DPYSL3: variants seen among roughly 807,000 people sequenced by gnomAD.
DPYSL3 encodes dihydropyrimidinase-related protein 3.
A neutral mutation model predicts 66.1 loss-of-function variants in DPYSL3; 16 were observed. That is an observed-to-expected ratio of 0.24 (90% CI 0.16 to 0.37). The LOEUF (loss-of-function observed/expected upper bound fraction) is 0.37. Ranked by LOEUF, DPYSL3 falls within the 10% of genes least tolerant of loss-of-function variation. The pLI, the probability that DPYSL3 is intolerant of heterozygous loss-of-function variation, is 1.00. For missense variants in DPYSL3, 738 were observed against 916.2 expected, an observed-to-expected ratio of 0.81 and a Z score of 2.51; for synonymous variants, 338 against 345.1, an observed-to-expected ratio of 0.98 and a Z score of 0.23.
At chr5:147,497,932 T>C (rs1013688267) in intron 1 of DPYSL3, among the ~76,000 whole-genome samples, 19 of 150,920 alleles carry the variant, frequency 1.3e-4, no homozygotes, top group African/African-American at 4.6e-4. Context: ...CTCTCTCTCT[T>C]TCTCTTTCTT....
intron 1 of DPYSL3, among the ~76,000 whole-genome samples, chr5:147,428,322 T>A (rs1581188877): frequency 6.6e-6 from 1 of 152,160 alleles, no homozygotes; most frequent in South Asian, 2.1e-4. Flanking sequence ...CTTAAAGAGC[T>A]CAAATAAATG....
At chr5:147,466,726 G>T (rs1753014935) in intron 1 of DPYSL3, among the ~76,000 whole-genome samples, 1 of 152,144 alleles carries the variant, frequency 6.6e-6, no homozygotes, top group Admixed American at 6.6e-5. Flanking sequence ...TTTGTATTTT[G>T]CAGGCTTCCC....
intron 1 of DPYSL3, among the ~76,000 whole-genome samples, chr5:147,427,514 T>C (rs1304233017): frequency 6.6e-6 from 1 of 152,206 alleles, no homozygotes; most frequent in Non-Finnish European, 1.5e-5. Flanking sequence ...AAATAAATGA[T>C]GGCTTTGTGA....
intron 1 of DPYSL3, among the ~76,000 whole-genome samples, chr5:147,482,964 G>A (rs1234046345): frequency 1.3e-5 from 2 of 152,130 alleles, no homozygotes; most frequent in African/African-American, 4.8e-5. Flanking sequence ...ATCAGATCTC[G>A]TGAGAACTCA....
At chr5:147,453,662 G>T (rs1419543164) in intron 1 of DPYSL3, 3 of 1,482,564 alleles carry the variant, frequency 2.0e-6, no homozygotes, top group Admixed American at 4.4e-5. Context: ...CTTCCTCAGC[G>T]CACAGCGCCC....
At position 147,424,981 on chromosome 5, in the gene DPYSL3, C is replaced by T; in HGVS notation, c.382-18G>A. The stretch of plus-strand genomic sequence containing the variant: ...CGGTCACTCTAGAAAAGAAGGAAAA[C>T]ATGAGTTGTTATCACAGGTATGATT... On this transcript the variant is annotated intron_variant, in intron 1 of 13. Coordinates refer to ENST00000343218, the MANE Select transcript of DPYSL3 (RefSeq NM_001197294.2). 1 of 1,594,006 alleles carries T rather than the reference C, an allele frequency of 6.3e-7. No homozygotes were observed. The highest frequency in any genetic ancestry group is 8.6e-7 in the Non-Finnish European group (1 of 1,165,016).
rs149507416 is a variant in DPYSL3 at position 147,436,992 on chromosome 5, T to C, written c.382-12029A>G. ...ATTTAAGAGAAAGGTCAGGTGTTAG[T>C]GGACGGGCTTGAGTTAATGCCACGC... is the stretch of plus-strand genomic sequence containing the variant. On this transcript the variant is annotated intron_variant, in intron 1 of 13. Coordinates refer to ENST00000343218, the MANE Select transcript of DPYSL3 (RefSeq NM_001197294.2). Among the ~76,000 whole-genome samples the C allele has an allele frequency of 2.0e-5, 3 of 152,308 alleles. No individual in the cohort carries two copies. In the East Asian group the frequency reaches 5.8e-4, roughly 29 times the overall value.
intron 12 of DPYSL3, among the ~76,000 whole-genome samples, chr5:147,396,985 T>G (rs1469755271): frequency 6.8e-6 from 1 of 147,910 alleles, no homozygotes; most frequent in Admixed American, 6.8e-5. Context: ...TTTATTGTAT[T>G]GTTATAATAC....
intron 1 of DPYSL3, among the ~76,000 whole-genome samples, chr5:147,446,561 G>A (rs531194171): frequency 5.3e-5 from 8 of 152,320 alleles, no homozygotes; most frequent in African/African-American, 1.9e-4. Context: ...AAAGTGCTGG[G>A]TGTGTCCTGT....
chr5:147,496,627 C>T (rs1330064621), intron 1 of DPYSL3, among the ~76,000 whole-genome samples: 1 of 152,100 alleles, frequency 6.6e-6, no homozygotes, highest in African/African-American at 2.4e-5. Flanking sequence ...GACATTTATG[C>T]AGCCAAAAAA....
chr5:147,483,242 G>A (rs1753274977), intron 1 of DPYSL3, among the ~76,000 whole-genome samples: 1 of 152,214 alleles, frequency 6.6e-6, no homozygotes, highest in Non-Finnish European at 1.5e-5. Context: ...CACTTTCCGA[G>A]CTTTCAGCGA....
chr5:147,461,068 A>G (rs910164825), intron 1 of DPYSL3, among the ~76,000 whole-genome samples: 3 of 152,216 alleles, frequency 2.0e-5, no homozygotes, highest in Admixed American at 1.3e-4. Context: ...AGTTGCAAAC[A>G]TAGATAAGCA....
chr5:147,398,553 C>A (rs1268841321), intron 11 of DPYSL3, among the ~76,000 whole-genome samples: 1 of 152,172 alleles, frequency 6.6e-6, no homozygotes, highest in Non-Finnish European at 1.5e-5. Flanking sequence ...ACAACAGTGT[C>A]GAGCCCGTTT....
In DPYSL3 at chr5:147,454,691, C is replaced by G. The variant is rs182053203; in HGVS notation, c.382-29728G>C. 6.6e-4 allele frequency among the ~76,000 whole-genome samples: 101 copies of G among 152,302 alleles called. 1 individual carries two copies. Among genetic ancestry groups the G allele is most frequent in the East Asian group, 6.2e-3 (32 of 5,176 alleles). On this transcript the variant is annotated intron_variant, in intron 1 of 13. Transcript: ENST00000343218. ...GCTATTGCTCCCCATCAGTAATGAA[C>G]CACGTGCACTGCTCACAATCCCGAG... is the stretch of plus-strand genomic sequence containing the variant.
At chr5:147,501,478 ATTTT>A (rs749216433) in intron 1 of DPYSL3, among the ~76,000 whole-genome samples, 34 of 91,072 alleles carry the variant, frequency 3.7e-4, no homozygotes, top group African/African-American at 1.5e-3. Flanking sequence ...GGTGATAATG[ATTTT>A]TTTTTTTTTT....
chr5:147,507,278 A>C (rs1259765929), intron 1 of DPYSL3, among the ~76,000 whole-genome samples: 1 of 152,160 alleles, frequency 6.6e-6, no homozygotes, highest in African/African-American at 2.4e-5. Context: ...ATTTACCCTT[A>C]TATTTCCAAA....
At chr5:147,407,126 T>C (rs2152019349) in intron 7 of DPYSL3, among the ~76,000 whole-genome samples, 1 of 152,252 alleles carries the variant, frequency 6.6e-6, no homozygotes, top group African/African-American at 2.4e-5. Flanking sequence ...GCTCCTCCTA[T>C]GATCACTCCT....
At chr5:147,465,091 G>A (rs545324296) in intron 1 of DPYSL3, among the ~76,000 whole-genome samples, 2 of 152,306 alleles carry the variant, frequency 1.3e-5, no homozygotes, top group South Asian at 2.1e-4. Context: ...CTACTTGGGA[G>A]GCTAAAATAG....
intron 12 of DPYSL3, among the ~76,000 whole-genome samples, chr5:147,396,372 T>G (rs1757971629): frequency 6.6e-6 from 1 of 152,172 alleles, no homozygotes; most frequent in Non-Finnish European, 1.5e-5. Context: ...CCTTTGGCCA[T>G]GGGAAACACG....
Sources: gnomAD v4.1 joint callset for allele counts (sites outside exome capture counted in the v4.1 genomes callset) on GRCh38, gnomAD v4.1.1 for gene constraint, MANE v1.5 for transcripts, NCBI Gene and HGNC (gene_info 2026-07-23, HGNC 2026-07-21) for gene names.